Variants in AGBL1 observed in about 807,000 individuals in gnomAD.
AGBL1 encodes cytosolic carboxypeptidase 4.
AGBL1 carries 130 observed loss-of-function variants against 118.9 expected under a neutral mutation model. The ratio of observed to expected loss-of-function variants is 1.09; its 90% confidence interval spans 0.95 to 1.26. AGBL1 has a LOEUF of 1.26. Among genes scored for constraint, AGBL1 ranks in the 50% most tolerant of loss-of-function variants. The pLI is 0.00. For synonymous variants in AGBL1, 555 were observed against 478.9 expected, an observed-to-expected ratio of 1.16 and a Z score of -2.08; for missense variants, 1,584 against 1,298.1, an observed-to-expected ratio of 1.22 and a Z score of -3.38.
At chr15:86,588,196 T>A (rs2084281187) in intron 21 of AGBL1, among the ~76,000 whole-genome samples, 1 of 152,212 alleles carries the variant, frequency 6.6e-6, no homozygotes, top group African/African-American at 2.4e-5. Flanking sequence ...AATATTATGA[T>A]ATTTGAAATC....
intron 6 of AGBL1, among the ~76,000 whole-genome samples, chr15:86,226,990 A>C (rs1028010903): frequency 6.6e-5 from 10 of 152,208 alleles, no homozygotes; most frequent in Admixed American, 3.3e-4. Context: ...ATCCTGAAAT[A>C]AGTATTTGTT....
At chr15:86,334,693 C>T (rs1045042055) in intron 17 of AGBL1, among the ~76,000 whole-genome samples, 1 of 151,874 alleles carries the variant, frequency 6.6e-6, no homozygotes, top group Non-Finnish European at 1.5e-5. Flanking sequence ...AAAAACAGCC[C>T]GAATAGCCAA....
chr15:86,988,166 T>G, intron 24 of AGBL1: 1 of 1,539,772 alleles, frequency 6.5e-7, no homozygotes, highest in Non-Finnish European at 8.8e-7. Context: ...GTGACTACAT[T>G]GGGACTGGAC....
intron 23 of AGBL1, among the ~76,000 whole-genome samples, chr15:86,970,607 A>G (rs989251948): frequency 6.6e-6 from 1 of 151,986 alleles, no homozygotes; most frequent in African/African-American, 2.4e-5. Context: ...AACTACAATC[A>G]TGGTACCTAG....
chr15:86,465,171 TA>T (rs1335287675), intron 18 of AGBL1, among the ~76,000 whole-genome samples: 1 of 152,214 alleles, frequency 6.6e-6, no homozygotes, highest in East Asian at 1.9e-4. Flanking sequence ...TTAATACTTT[TA>T]TAATTTCTTA....
At chr15:86,330,416 T>C (rs2080251668) in intron 17 of AGBL1, among the ~76,000 whole-genome samples, 1 of 152,106 alleles carries the variant, frequency 6.6e-6, no homozygotes, top group African/African-American at 2.4e-5. Flanking sequence ...TTTTCTACGG[T>C]CACATTCCGT....
chr15:86,110,459 G>A (rs981355020), intron 1 of AGBL1, among the ~76,000 whole-genome samples: 1 of 152,188 alleles, frequency 6.6e-6, no homozygotes, highest in Admixed American at 6.5e-5. Flanking sequence ...TTAAGTGGGA[G>A]TGGATCATCT....
intron 10 of AGBL1, 31 bp downstream of exon 10, chr15:86,262,925 A>C: frequency 6.6e-7 from 1 of 1,510,842 alleles, no homozygotes; most frequent in Non-Finnish European, 9.1e-7. Context: ...CTGATCTTTG[A>C]CGATGCATGA....
At chr15:87,013,797 A>C (rs58527763) in intron 24 of AGBL1, among the ~76,000 whole-genome samples, 1 of 99,438 alleles carries the variant, frequency 1.0e-5, no homozygotes, top group African/African-American at 3.2e-5. Flanking sequence ...ACTTGTTTAA[A>C]TTTAACAAAA....
intron 17 of AGBL1, among the ~76,000 whole-genome samples, chr15:86,380,087 T>C (rs780712754): frequency 1.3e-4 from 20 of 152,106 alleles, no homozygotes; most frequent in Non-Finnish European, 2.5e-4. Context: ...TAGGCTTGTA[T>C]TAAATGACTT....
intron 17 of AGBL1, among the ~76,000 whole-genome samples, chr15:86,329,832 G>A (rs1275423271): frequency 6.6e-6 from 1 of 152,152 alleles, no homozygotes; most frequent in East Asian, 1.9e-4. Context: ...AGCAGCCTGA[G>A]TTGCCCCACT....
chr15:86,572,706 T>G (rs950075792), intron 21 of AGBL1, among the ~76,000 whole-genome samples: 5 of 152,160 alleles, frequency 3.3e-5, no homozygotes, highest in African/African-American at 1.2e-4. Flanking sequence ...AGTCCGACCA[T>G]CGCCACAGCT....
chr15:86,724,804 C>T (rs1209450087), intron 22 of AGBL1, among the ~76,000 whole-genome samples: 1 of 151,996 alleles, frequency 6.6e-6, no homozygotes, highest in East Asian at 1.9e-4. Flanking sequence ...GTGTGTGGCA[C>T]CTCCGTCTTC....
rs1001948940 is a variant in AGBL1 at position 86,523,123 on chromosome 15, C to T, written c.2685+184C>T. 3.9e-5 allele frequency among the ~76,000 whole-genome samples: 6 copies of T among 152,210 alleles called. No individual in the cohort carries two copies. In the East Asian group the frequency reaches 7.7e-4, roughly 20 times the overall value. On this transcript the variant is annotated intron_variant, in intron 19 of 22. Transcript: ENST00000614907. ...GTACCAAACTGCCACAACTGGGTAG[C>T]TTTGTGTAATGCCAGAGAAACTTAT...
At chr15:86,217,565 TA>T (rs2078209849) in intron 5 of AGBL1, among the ~76,000 whole-genome samples, 2 of 152,178 alleles carry the variant, frequency 1.3e-5, no homozygotes, top group African/African-American at 4.8e-5. Context: ...AACAGAGGAC[TA>T]GGGGTCAAGG....
intron 18 of AGBL1, among the ~76,000 whole-genome samples, chr15:86,438,939 G>T (rs527801463): frequency 7.9e-5 from 12 of 152,184 alleles, no homozygotes; most frequent in Admixed American, 7.2e-4. Context: ...GGGATTACAG[G>T]CATGAGCCAC....
downstream of AGBL1, among the ~76,000 whole-genome samples, chr15:87,031,354 AAT>A (rs1377380318): frequency 2.0e-5 from 3 of 152,008 alleles, no homozygotes; most frequent in African/African-American, 7.2e-5. Context: ...TCTCATGAAA[AAT>A]ATACATTTAC....
intron 24 of AGBL1, among the ~76,000 whole-genome samples, chr15:87,015,534 C>G (rs1437438900): frequency 2.0e-5 from 3 of 152,160 alleles, no homozygotes; most frequent in Admixed American, 6.6e-5. Flanking sequence ...TTGCAACATT[C>G]ATTCAGTAAA....
chr15:86,717,103 A>G (rs970325255), intron 22 of AGBL1, among the ~76,000 whole-genome samples: 5 of 152,246 alleles, frequency 3.3e-5, no homozygotes, highest in Non-Finnish European at 5.9e-5. Context: ...CAAGATGGAA[A>G]TATGTCCTAG....
Sources: allele counts gnomAD v4.1 joint callset (sites outside exome capture counted in the v4.1 genomes callset), GRCh38; gene constraint gnomAD v4.1.1; transcripts MANE v1.5; gene names NCBI Gene and HGNC (gene_info 2026-07-23, HGNC 2026-07-21).